The following STIM1 variants were observed in gnomAD, a reference collection of about 807,000 sequenced individuals.
The protein encoded by STIM1 is stromal interaction molecule 1.
STIM1 carries 25 observed loss-of-function variants against 74.7 expected under a neutral mutation model. That is an observed-to-expected ratio of 0.33 (90% CI 0.24 to 0.47). The LOEUF is 0.47. Among genes scored for constraint, STIM1 ranks in the 20% least tolerant of loss-of-function variants. The pLI is 1.00. For synonymous variants in STIM1, 328 were observed against 348.8 expected (o/e 0.94, Z 0.66); for missense variants, 728 against 920.8 (o/e 0.79, Z 2.71).
intron 1 of STIM1, among the ~76,000 whole-genome samples, chr11:3,910,818 T>TA (rs1172492077): frequency 4.7e-5 from 6 of 126,542 alleles, no homozygotes; most frequent in East Asian, 2.3e-4. Flanking sequence ...CTGTCTCTAC[T>TA]AAAAAAAAAA....
chr11:3,957,042 C>A (rs1167946152), intron 1 of STIM1, among the ~76,000 whole-genome samples: 1 of 151,832 alleles, frequency 6.6e-6, no homozygotes, highest in Non-Finnish European at 1.5e-5. Context: ...ATAAGCAAAC[C>A]AAGGAATAAA....
chr11:4,087,469 C>A (rs1305691540), intron 12 of STIM1, among the ~76,000 whole-genome samples: 1 of 151,834 alleles, frequency 6.6e-6, no homozygotes, highest in African/African-American at 2.4e-5. Context: ...CATGGAGATT[C>A]CAGAGAATAC....
intron 7 of STIM1, 35 bp downstream of exon 7, chr11:4,074,714 G>C (rs750932135): frequency 1.3e-6 from 2 of 1,550,366 alleles, no homozygotes; most frequent in Non-Finnish European, 1.7e-6. Flanking sequence ...ACACCTTGAC[G>C]GGTGGGTAAA....
At position 3,913,705 on chromosome 11, in the gene STIM1, C is replaced by T. The variant is rs1353253156; in HGVS notation, c.140-53847C>T. ...AATTCAGTAGCATTTAGTACATTCACAATGTTGTACAGCCACCACTTCTAT... is the reference window on the plus strand; with the variant it reads ...AATTCAGTAGCATTTAGTACATTCATAATGTTGTACAGCCACCACTTCTAT... On this transcript the variant is annotated intron_variant, in intron 1 of 12. Coordinates refer to ENST00000526596, the MANE Select transcript of STIM1 (RefSeq NM_001382567.1). Among the ~76,000 whole-genome samples, 3 of 152,176 alleles carry T rather than the reference C, an allele frequency of 2.0e-5. No homozygotes were observed. In the South Asian group the frequency reaches 6.2e-4, roughly 31 times the overall value.
chr11:4,088,997 C>T (rs890540148), intron 12 of STIM1: 7 of 407,202 alleles, frequency 1.7e-5, no homozygotes, highest in East Asian at 9.9e-5. Flanking sequence ...TTTGGGAGGC[C>T]GAGAGCGGAG....
At chr11:3,874,794 A>T (rs111642662) in intron 1 of STIM1, among the ~76,000 whole-genome samples, 12,297 of 152,272 alleles carry the variant, frequency 0.081, 687 homozygotes, top group Middle Eastern at 0.16. Context: ...AAAGAACAGA[A>T]TGAAGTTATA....
intron 6 of STIM1, among the ~76,000 whole-genome samples, chr11:4,072,276 C>T (rs1414324855): frequency 3.9e-5 from 6 of 152,186 alleles, no homozygotes; most frequent in African/African-American, 1.4e-4. Context: ...GTGTCCAGAG[C>T]CCACATGCCA....
chr11:3,954,705 G>T (rs1490792971), intron 1 of STIM1, among the ~76,000 whole-genome samples: 1 of 152,186 alleles, frequency 6.6e-6, no homozygotes, highest in Non-Finnish European at 1.5e-5. Flanking sequence ...CATACCGAAA[G>T]AATTCTGAGT....
At chr11:4,024,724 C>G (rs111266261) in intron 3 of STIM1, among the ~76,000 whole-genome samples, 242 of 152,316 alleles carry the variant, frequency 1.6e-3, no homozygotes, top group African/African-American at 5.4e-3. Context: ...TCATACCACT[C>G]TACTGACCCA....
intron 2 of STIM1, among the ~76,000 whole-genome samples, chr11:4,005,451 A>G (rs539859037): frequency 1.3e-5 from 2 of 152,238 alleles, no homozygotes; most frequent in South Asian, 4.2e-4. Context: ...GAAATTGGAA[A>G]TCATCATTCT....
chr11:4,039,034 A>G (rs2094126595), intron 3 of STIM1, among the ~76,000 whole-genome samples: 1 of 152,162 alleles, frequency 6.6e-6, no homozygotes, highest in South Asian at 2.1e-4. Flanking sequence ...TGGTCGGATA[A>G]CCCTTCAGCT....
intron 3 of STIM1, among the ~76,000 whole-genome samples, chr11:4,030,200 G>T (rs1186651050): frequency 1.3e-5 from 2 of 151,970 alleles, no homozygotes; most frequent in Non-Finnish European, 1.5e-5. Context: ...GTGGTGGTGG[G>T]CATCTATAAT....
At chr11:4,040,564 T>C (rs1344398781) in intron 3 of STIM1, among the ~76,000 whole-genome samples, 2 of 152,210 alleles carry the variant, frequency 1.3e-5, no homozygotes, top group Non-Finnish European at 2.9e-5. Context: ...AAAGATCTGT[T>C]CCACTGCCGG....
Position 4,082,584 on chromosome 11 carries a change from A to G in STIM1, c.1137+233A>G, listed in dbSNP as rs1174870343. ...CCTGTCTTCTGGGAAAGATGAAACA[A>G]GTGGAGGCAGGCAGAGGGAAAGCTC... On this transcript the variant is annotated intron_variant, in intron 8 of 12. Coordinates refer to ENST00000526596, the MANE Select transcript of STIM1 (RefSeq NM_001382567.1). Among the ~76,000 whole-genome samples, 3 of 152,136 alleles carry G rather than the reference A, an allele frequency of 2.0e-5. No homozygotes were observed. The East Asian group carries it at 5.8e-4, about 29-fold the overall frequency.
At chr11:3,975,476 G>A (rs1037555764) in intron 2 of STIM1, among the ~76,000 whole-genome samples, 1 of 150,980 alleles carries the variant, frequency 6.6e-6, no homozygotes, top group African/African-American at 2.4e-5. Context: ...AAAATTAGCT[G>A]GTGTGGTGAC....
At chr11:4,036,106 G>C (rs547839429) in intron 3 of STIM1, among the ~76,000 whole-genome samples, 24 of 152,210 alleles carry the variant, frequency 1.6e-4, no homozygotes, top group Admixed American at 5.2e-4. Flanking sequence ...AACATGCACT[G>C]TTTGGTTTTC....
chr11:3,888,044 G>A (rs2091780926), intron 1 of STIM1: 1 of 151,928 alleles, frequency 6.6e-6, no homozygotes, highest in Non-Finnish European at 1.5e-5. Context: ...AAGCAGTGCT[G>A]GGCTGACTGC....
chr11:4,005,848 T>C (rs562669296), intron 2 of STIM1, among the ~76,000 whole-genome samples: 18 of 152,306 alleles, frequency 1.2e-4, no homozygotes, highest in African/African-American at 4.3e-4. Context: ...GAGCAACAGC[T>C]TCTGATCTCA....
intron 2 of STIM1, among the ~76,000 whole-genome samples, chr11:3,990,262 A>T (rs1268727205): frequency 2.0e-5 from 3 of 152,132 alleles, no homozygotes; most frequent in African/African-American, 4.8e-5. Flanking sequence ...ATTTCTTTTC[A>T]TGGGCAAATA....
Sources: allele counts gnomAD v4.1 joint callset (sites outside exome capture counted in the v4.1 genomes callset), GRCh38; gene constraint gnomAD v4.1.1; transcripts MANE v1.5; gene names NCBI Gene and HGNC (gene_info 2026-07-23, HGNC 2026-07-21).